Variants in AHCYL2 observed in about 807,000 individuals in gnomAD.
The protein encoded by AHCYL2 is S-adenosylhomocysteine hydrolase-like protein 2.
A neutral mutation model predicts 81.4 loss-of-function variants in AHCYL2; 28 were observed. That is an observed-to-expected ratio of 0.34 (90% confidence interval 0.25 to 0.47). The LOEUF (loss-of-function observed/expected upper bound fraction) is 0.47. Among genes scored for constraint, AHCYL2 ranks in the 20% least tolerant of loss-of-function variants. The pLI is 1.00. For synonymous variants in AHCYL2, 272 were observed against 290.2 expected (o/e 0.94, Z 0.64); for missense variants, 551 against 785.1 (o/e 0.70, Z 3.56).
chr7:129,400,004 G>A (rs1254234363), intron 5 of AHCYL2, among the ~76,000 whole-genome samples: 1 of 152,148 alleles, frequency 6.6e-6, no homozygotes, highest in African/African-American at 2.4e-5. Context: ...GGGATTTCAG[G>A]AGTGAGCCAC....
At chr7:129,327,115 T>C (rs765620416) in intron 1 of AHCYL2, among the ~76,000 whole-genome samples, 2 of 152,206 alleles carry the variant, frequency 1.3e-5, no homozygotes, top group African/African-American at 2.4e-5. Flanking sequence ...ATTCATATGT[T>C]GAAGCCCTAA....
chr7:129,360,252 G>T (rs1366497222), intron 1 of AHCYL2, among the ~76,000 whole-genome samples: 1 of 152,046 alleles, frequency 6.6e-6, no homozygotes, highest in Non-Finnish European at 1.5e-5. Context: ...AAGTAGCTGG[G>T]ATTACAGGCA....
chr7:129,276,736 C>CAAAA lies in AHCYL2; in HGVS notation c.363+51309_363+51312dup, dbSNP rs374792572. 7.7e-3 allele frequency among the ~76,000 whole-genome samples: 962 copies of CAAAA among 124,864 alleles called. 16 individuals are homozygous for CAAAA. Among genetic ancestry groups the CAAAA allele is most frequent in the East Asian group, 0.048 (207 of 4,296 alleles). The allele number at this position is 124,864 out of a possible 152,430, so 81.9% of individuals were successfully genotyped here. On this transcript the variant is annotated intron_variant, in intron 1 of 16. Coordinates refer to ENST00000325006, the MANE Select transcript of AHCYL2 (RefSeq NM_015328.4). Reference sequence around the variant, plus strand: ...TGCACTCCAGCCTGGGCAACTGTCTCAAAAAAAAAAAAAAAGAAAAAAACC... The same window carrying CAAAA: ...TGCACTCCAGCCTGGGCAACTGTCTCAAAAAAAAAAAAAAAAAAAGAAAAAAACC...
intron 1 of AHCYL2, among the ~76,000 whole-genome samples, chr7:129,377,879 C>T (rs1794765910): frequency 6.6e-6 from 1 of 152,030 alleles, no homozygotes. Context: ...AATAATCATC[C>T]AAAATGCAAT....
intron 1 of AHCYL2, among the ~76,000 whole-genome samples, chr7:129,369,635 C>T (rs1794282554): frequency 6.6e-6 from 1 of 151,180 alleles, no homozygotes; most frequent in African/African-American, 2.4e-5. Flanking sequence ...TCACTGCAAC[C>T]TCCGCTTCCT....
rs1210590534 is a variant in AHCYL2, at chr7:129,370,654, C to T, written c.364-8984C>T. Among the ~76,000 whole-genome samples, 5 of 152,166 alleles carry T rather than the reference C, an allele frequency of 3.3e-5. No individual in the cohort carries two copies. In the East Asian group the frequency reaches 5.8e-4, roughly 18 times the overall value. ...CAGAGCTTACAGTGAGCTGAGATCG[C>T]GCCACTGCACTCCAGCCTGGGCGAC... is the stretch of plus-strand genomic sequence containing the variant. On this transcript the variant is annotated intron_variant, in intron 1 of 16. Coordinates refer to ENST00000325006, the MANE Select transcript of AHCYL2 (RefSeq NM_015328.4).
chr7:129,272,493 A>G (rs960729443), intron 1 of AHCYL2, among the ~76,000 whole-genome samples: 6 of 152,294 alleles, frequency 3.9e-5, no homozygotes, highest in East Asian at 1.9e-4. Context: ...AAAACCTACA[A>G]TTTGCATTGG....
At chr7:129,393,659 C>T (rs1795574669) in intron 4 of AHCYL2, among the ~76,000 whole-genome samples, 1 of 152,128 alleles carries the variant, frequency 6.6e-6, no homozygotes, top group African/African-American at 2.4e-5. Context: ...CTTCTTTTGT[C>T]TTTTGATATA....
chr7:129,424,215 C>T (rs1797248094), intron 13 of AHCYL2, among the ~76,000 whole-genome samples: 1 of 150,852 alleles, frequency 6.6e-6, no homozygotes, highest in African/African-American at 2.4e-5. Flanking sequence ...ATGGTGAAAC[C>T]CTGTCTCTAC....
At chr7:129,306,920 T>G (rs1797464271) in intron 1 of AHCYL2, among the ~76,000 whole-genome samples, 1 of 152,196 alleles carries the variant, frequency 6.6e-6, no homozygotes, top group Admixed American at 6.5e-5. Context: ...AGGCAGAGAC[T>G]CTTGTTACCT....
intron 5 of AHCYL2, among the ~76,000 whole-genome samples, chr7:129,398,338 A>G (rs540422152): frequency 6.8e-6 from 1 of 146,624 alleles, no homozygotes; most frequent in East Asian, 2.0e-4. Flanking sequence ...TTTTTTTTTA[A>G]ATTTAATTTA....
intron 1 of AHCYL2, among the ~76,000 whole-genome samples, chr7:129,356,481 G>C (rs759505938): frequency 2.0e-4 from 31 of 152,148 alleles, no homozygotes; most frequent in Non-Finnish European, 3.1e-4. Flanking sequence ...GGAACCTCTA[G>C]ATGTTAATTC....
intron 1 of AHCYL2, among the ~76,000 whole-genome samples, chr7:129,351,063 A>G (rs1335906722): frequency 1.3e-5 from 2 of 152,094 alleles, no homozygotes; most frequent in Non-Finnish European, 2.9e-5. Context: ...AAATAGCATA[A>G]ATTTTATTTT....
chr7:129,404,308 TATTTC>T, intron 7 of AHCYL2, among the ~76,000 whole-genome samples: 1 of 152,104 alleles, frequency 6.6e-6, no homozygotes, highest in Non-Finnish European at 1.5e-5. Flanking sequence ...AAATTGGAAT[TATTTC>T]AGTTCAATTT....
At chr7:129,268,157 A>G (rs771271876) in intron 1 of AHCYL2, among the ~76,000 whole-genome samples, 19 of 152,148 alleles carry the variant, frequency 1.2e-4, no homozygotes, top group Non-Finnish European at 2.6e-4. Context: ...CCAAGTCAGA[A>G]TTTTAACAGT....
At chr7:129,300,297 A>G (rs986116715) in intron 1 of AHCYL2, among the ~76,000 whole-genome samples, 6 of 151,520 alleles carry the variant, frequency 4.0e-5, no homozygotes, top group Non-Finnish European at 8.8e-5. Context: ...CCTCCTCACT[A>G]CCCTTCCCAA....
In AHCYL2 at chr7:129,257,137, AAAAAACAG is replaced by A. The variant is rs552312779; in HGVS notation, c.363+31706_363+31713del. On this transcript the variant is annotated intron_variant, in intron 1 of 16. Coordinates refer to ENST00000325006, the MANE Select transcript of AHCYL2 (RefSeq NM_015328.4). ...TGAAGCTGTTCCTCCAAGACCACCC[AAAAAACAG>A]AAAAACATGAACTATAGAACCCTCA... Among the ~76,000 whole-genome samples the A allele has an allele frequency of 8.4e-3, 1,275 of 152,296 alleles. 10 individuals carry two copies. The highest frequency in any genetic ancestry group is 0.058 in the South Asian group (279 of 4,824).
In AHCYL2 at chr7:129,225,125, G is replaced by A; in HGVS notation, c.49G>A (p.Val17Met). ...SAAAAAKVPEVELKDLSPSEA... is the reference protein window; with the variant it reads ...SAAAAAKVPEMELKDLSPSEA... ...CGCGGCTGCCGCCAAGGTGCCTGAGGTGGAGCTGAAGGACCTGAGCCCCTC... is the reference window on the plus strand; with the variant it reads ...CGCGGCTGCCGCCAAGGTGCCTGAGATGGAGCTGAAGGACCTGAGCCCCTC... Residue 17 changes from valine (V) to methionine (M), a missense_variant, in exon 1 of 17, where the codon GTG becomes ATG. Val to Met is a conservative substitution (Grantham distance 21). This residue lies in a region of AHCYL2 where 235 missense variants were observed against 242.1 expected (regional missense o/e 0.97). Coordinates refer to ENST00000325006, the MANE Select transcript of AHCYL2 (RefSeq NM_015328.4). 4.4e-6 allele frequency: 7 copies of A among 1,603,018 alleles called. No individual in the cohort carries two copies. Among genetic ancestry groups the A allele is most frequent in the Non-Finnish European group, 6.0e-6 (7 of 1,175,984 alleles).
chr7:129,239,937 C>T (rs562979415), intron 1 of AHCYL2, among the ~76,000 whole-genome samples: 4 of 152,054 alleles, frequency 2.6e-5, no homozygotes, highest in East Asian at 3.9e-4. Context: ...GAGAACCCCA[C>T]GGCTGGCCGG....
Sources: gnomAD v4.1 joint callset for allele counts (sites outside exome capture counted in the v4.1 genomes callset) on GRCh38, gnomAD v4.1.1 for gene constraint, gnomAD v4.1.1 regional missense constraint, MANE v1.5 for transcripts, NCBI Gene and HGNC (gene_info 2026-07-23, HGNC 2026-07-21) for gene names.